LRMDA: variants seen among roughly 807,000 people sequenced by gnomAD.
The protein encoded by LRMDA is leucine-rich melanocyte differentiation-associated protein.
In LRMDA, 18 loss-of-function variants were observed where a neutral mutation model predicts 29.8. That is an observed-to-expected ratio of 0.60 (90% CI 0.42 to 0.90). The LOEUF (loss-of-function observed/expected upper bound fraction) is 0.90. LRMDA is among the 40% of genes least tolerant of loss of function. The pLI is 0.00. For missense variants in LRMDA, 273 were observed against 273.9 expected (o/e 1.00, Z 0.02); for synonymous variants, 125 against 109.4 (o/e 1.14, Z -0.89).
At chr10:75,707,549 G>T (rs1288247801) in intron 2 of LRMDA, among the ~76,000 whole-genome samples, 1 of 152,360 alleles carries the variant, frequency 6.6e-6, no homozygotes, top group East Asian at 1.9e-4. Context: ...ATGCTGAGCA[G>T]GGAGACCCAG....
At chr10:76,073,325 TC>T (rs1440704234) in intron 5 of LRMDA, among the ~76,000 whole-genome samples, 1 of 152,212 alleles carries the variant, frequency 6.6e-6, no homozygotes, top group Non-Finnish European at 1.5e-5. Context: ...CGTATCCTTT[TC>T]TAAATGTGTT....
At chr10:75,460,201 T>C (rs1456313818) in intron 2 of LRMDA, among the ~76,000 whole-genome samples, 2 of 152,224 alleles carry the variant, frequency 1.3e-5, no homozygotes, top group Non-Finnish European at 2.9e-5. Flanking sequence ...GTTTAAATAA[T>C]TGTAAGAAGA....
chr10:75,917,197 G>A (rs1845948497), intron 2 of LRMDA, among the ~76,000 whole-genome samples: 1 of 152,200 alleles, frequency 6.6e-6, no homozygotes, highest in African/African-American at 2.4e-5. Context: ...TACAGAATAG[G>A]TAAGAATTGG....
At chr10:75,538,072 G>A (rs889493252) in intron 2 of LRMDA, among the ~76,000 whole-genome samples, 17 of 152,180 alleles carry the variant, frequency 1.1e-4, no homozygotes, top group Middle Eastern at 3.2e-3. Flanking sequence ...CACAGTATAC[G>A]GTTGGGGACT....
chr10:76,266,630 GC>G (rs2132315787), intron 5 of LRMDA, among the ~76,000 whole-genome samples: 1 of 152,260 alleles, frequency 6.6e-6, no homozygotes, highest in African/African-American at 2.4e-5. Flanking sequence ...TGGGGCTTCA[GC>G]TTAGGTCTGT....
At chr10:75,872,114 G>A (rs59994786) in intron 2 of LRMDA, among the ~76,000 whole-genome samples, 3 of 151,918 alleles carry the variant, frequency 2.0e-5, no homozygotes, top group Non-Finnish European at 2.9e-5. Flanking sequence ...GTTTTTTTAC[G>A]TGTCTTAACT....
chr10:75,654,475 C>T (rs1488267960), intron 2 of LRMDA, among the ~76,000 whole-genome samples: 2 of 152,202 alleles, frequency 1.3e-5, no homozygotes, highest in East Asian at 3.8e-4. Context: ...CCAGATTTAG[C>T]TTTCAACTCT....
At chr10:75,782,323 T>A (rs1252975977) in intron 2 of LRMDA, among the ~76,000 whole-genome samples, 1 of 152,128 alleles carries the variant, frequency 6.6e-6, no homozygotes, top group Non-Finnish European at 1.5e-5. Flanking sequence ...CTGACCAAGG[T>A]CTAAATTCAC....
At chr10:75,802,076 G>A (rs1190596603) in intron 2 of LRMDA, among the ~76,000 whole-genome samples, 1 of 152,138 alleles carries the variant, frequency 6.6e-6, no homozygotes, top group Non-Finnish European at 1.5e-5. Flanking sequence ...CCCAACACAG[G>A]CATGCTGAGG....
intron 2 of LRMDA, among the ~76,000 whole-genome samples, chr10:75,577,641 A>G (rs1388422849): frequency 6.6e-6 from 1 of 152,198 alleles, no homozygotes; most frequent in African/African-American, 2.4e-5. Flanking sequence ...CCAGAGAGAA[A>G]GGTCGGGTTA....
At chr10:76,184,047 T>A (rs146123644) in intron 5 of LRMDA, among the ~76,000 whole-genome samples, 1 of 151,544 alleles carries the variant, frequency 6.6e-6, no homozygotes, top group South Asian at 2.1e-4. Context: ...TTTTTTTTTT[T>A]GGAGACGGAG....
At chr10:76,436,925 C>T (rs57937811) in intron 6 of LRMDA, among the ~76,000 whole-genome samples, 2,679 of 152,158 alleles carry the variant, frequency 0.018, 83 homozygotes, top group African/African-American at 0.06. Context: ...TTCCTTCTCC[C>T]TCCACCTACC....
At chr10:76,110,007 G>C (rs1849551236) in intron 5 of LRMDA, among the ~76,000 whole-genome samples, 1 of 152,076 alleles carries the variant, frequency 6.6e-6, no homozygotes, top group South Asian at 2.1e-4. Flanking sequence ...TTCACATCCA[G>C]GTTTTCATGG....
At chr10:75,586,028 G>T (rs185902338) in intron 2 of LRMDA, among the ~76,000 whole-genome samples, 49 of 152,204 alleles carry the variant, frequency 3.2e-4, no homozygotes, top group Admixed American at 2.9e-3. Context: ...TTAAGGGTGG[G>T]TAGTAGTCTA....
intron 2 of LRMDA, among the ~76,000 whole-genome samples, chr10:75,455,032 A>G (rs1288760987): frequency 6.6e-6 from 1 of 152,120 alleles, no homozygotes; most frequent in African/African-American, 2.4e-5. Context: ...TGGGCCACTT[A>G]TGTTTTGGAG....
intron 2 of LRMDA, among the ~76,000 whole-genome samples, chr10:75,497,681 T>C (rs1845063916): frequency 6.6e-6 from 1 of 152,074 alleles, no homozygotes; most frequent in Non-Finnish European, 1.5e-5. Flanking sequence ...TTTGCCTGTT[T>C]TACGACTTCA....
chr10:75,952,136 A>G (rs1846586382), intron 2 of LRMDA, among the ~76,000 whole-genome samples: 1 of 152,118 alleles, frequency 6.6e-6, no homozygotes. Context: ...CCCCAAGTAC[A>G]TGGGGCTGTG....
chr10:75,939,212 A>G (rs1846347739), intron 2 of LRMDA, among the ~76,000 whole-genome samples: 1 of 152,186 alleles, frequency 6.6e-6, no homozygotes, highest in Admixed American at 6.5e-5. Context: ...ATGCAAATAT[A>G]TGGCCAGCTG....
At chr10:75,895,246 C>T (rs1173799925) in intron 2 of LRMDA, among the ~76,000 whole-genome samples, 1 of 152,172 alleles carries the variant, frequency 6.6e-6, no homozygotes, top group East Asian at 1.9e-4. Context: ...GTGAATCTGT[C>T]AGGTGCTGTG....
Sources: allele counts gnomAD v4.1 joint callset (sites outside exome capture counted in the v4.1 genomes callset), GRCh38; gene constraint gnomAD v4.1.1; transcripts MANE v1.5; gene names NCBI Gene and HGNC (gene_info 2026-07-23, HGNC 2026-07-21).